ATXN1: variants seen among roughly 807,000 people sequenced by gnomAD.
The protein encoded by ATXN1 is ataxin 1.
A neutral mutation model predicts 56.4 loss-of-function variants in ATXN1; 8 were observed. The ratio of observed to expected loss-of-function variants is 0.14; its 90% CI spans 0.08 to 0.26. The LOEUF is 0.26. Among genes scored for constraint, ATXN1 ranks in the 10% least tolerant of loss-of-function variants. ATXN1 has a pLI of 1.00. For missense variants in ATXN1, 987 were observed against 1,106.5 expected (o/e 0.89, Z 1.53); for synonymous variants, 514 against 494.6 (o/e 1.04, Z -0.52).
At chr6:16,445,612 T>C (rs1005774123) in intron 6 of ATXN1, among the ~76,000 whole-genome samples, 10 of 151,714 alleles carry the variant, frequency 6.6e-5, no homozygotes, top group Admixed American at 2.6e-4. Context: ...CATGCTGGTG[T>C]GCTGCACCCA....
At chr6:16,671,569 C>T (rs1179179527) in intron 2 of ATXN1, among the ~76,000 whole-genome samples, 2 of 152,126 alleles carry the variant, frequency 1.3e-5, no homozygotes, top group African/African-American at 4.8e-5. Flanking sequence ...TATCTCTAAG[C>T]TTCCAAACAA....
At chr6:16,615,012 G>A (rs962330937) in intron 3 of ATXN1, 1 of 150,824 alleles carries the variant, frequency 6.6e-6, no homozygotes, top group Non-Finnish European at 1.5e-5. Context: ...ATTAATTTAA[G>A]AAGTAAAAAT....
intron 2 of ATXN1, among the ~76,000 whole-genome samples, chr6:16,669,525 T>A (rs1405182269): frequency 1.3e-5 from 2 of 152,208 alleles, no homozygotes; most frequent in African/African-American, 4.8e-5. Context: ...CTGTTCTCTT[T>A]TTCCATCCGG....
At chr6:16,613,251 G>A (rs1329540155) in intron 3 of ATXN1, among the ~76,000 whole-genome samples, 30 of 113,476 alleles carry the variant, frequency 2.6e-4, no homozygotes, top group East Asian at 1.5e-3. Flanking sequence ...CGGCCTGGGC[G>A]ACAGAGCGAG....
chr6:16,566,061 G>A (rs545807141), intron 4 of ATXN1, among the ~76,000 whole-genome samples: 11 of 152,176 alleles, frequency 7.2e-5, no homozygotes, highest in African/African-American at 2.4e-4. Flanking sequence ...AGAGAAAAAG[G>A]ATTTTTCAGG....
intron 3 of ATXN1, among the ~76,000 whole-genome samples, chr6:16,621,591 C>T (rs1157831574): frequency 6.6e-6 from 1 of 152,060 alleles, no homozygotes; most frequent in Non-Finnish European, 1.5e-5. Context: ...TGTGGTGGTG[C>T]ACACCTGTAA....
At chr6:16,587,388 T>C (rs1189699484) in intron 3 of ATXN1, among the ~76,000 whole-genome samples, 3 of 152,224 alleles carry the variant, frequency 2.0e-5, no homozygotes, top group Admixed American at 6.5e-5. Context: ...CAGCCATGTC[T>C]TAAAAAATTC....
chr6:16,576,500 CA>C (rs2113755687), intron 4 of ATXN1, among the ~76,000 whole-genome samples: 1 of 152,322 alleles, frequency 6.6e-6, no homozygotes, highest in Non-Finnish European at 1.5e-5. Flanking sequence ...CACTTATTGA[CA>C]CTTAAACCTG....
intron 4 of ATXN1, among the ~76,000 whole-genome samples, chr6:16,551,449 A>C (rs993022688): frequency 4.6e-5 from 7 of 152,148 alleles, no homozygotes; most frequent in African/African-American, 1.7e-4. Context: ...AAAAGTGGGA[A>C]GAAACGTGTG....
intron 2 of ATXN1, among the ~76,000 whole-genome samples, chr6:16,703,814 G>A (rs1040130676): frequency 1.3e-5 from 2 of 152,220 alleles, no homozygotes; most frequent in Non-Finnish European, 2.9e-5. Flanking sequence ...GAGGTCAGGA[G>A]TTCGAGACCA....
chr6:16,580,350 T>C (rs1260580794), intron 4 of ATXN1, among the ~76,000 whole-genome samples: 2 of 152,244 alleles, frequency 1.3e-5, no homozygotes, highest in East Asian at 1.9e-4. Context: ...AAAATAGTGA[T>C]TTGAAAAGTA....
chr6:16,632,311 G>A (rs56350922), intron 3 of ATXN1, among the ~76,000 whole-genome samples: 2,109 of 152,204 alleles, frequency 0.014, 30 homozygotes, highest in Middle Eastern at 0.027. Context: ...CTCGTGGGTC[G>A]ACAACACCAC....
At chr6:16,574,904 G>C (rs1762395918) in intron 4 of ATXN1, among the ~76,000 whole-genome samples, 1 of 150,730 alleles carries the variant, frequency 6.6e-6, no homozygotes, top group Non-Finnish European at 1.5e-5. Flanking sequence ...ATCTGTGACA[G>C]TTCCTGAATC....
chr6:16,470,325 G>A (rs1345788201), intron 6 of ATXN1, among the ~76,000 whole-genome samples: 1 of 152,086 alleles, frequency 6.6e-6, no homozygotes, highest in Non-Finnish European at 1.5e-5. Context: ...GGGCTAGGGT[G>A]GAGGGTAGAG....
intron 6 of ATXN1, among the ~76,000 whole-genome samples, chr6:16,424,754 A>G (rs927703079): frequency 9.2e-5 from 14 of 152,206 alleles, no homozygotes; most frequent in Non-Finnish European, 1.8e-4. Flanking sequence ...AGAAACAAAG[A>G]AGTGTTTCAG....
chr6:16,313,558 A>T (rs1046139871), intron 7 of ATXN1, among the ~76,000 whole-genome samples: 3 of 143,606 alleles, frequency 2.1e-5, no homozygotes, highest in Admixed American at 7.0e-5. Context: ...CGTTAATGGA[A>T]TTTTTTTTTT....
At chr6:16,578,747 A>G (rs1762470676) in intron 4 of ATXN1, among the ~76,000 whole-genome samples, 1 of 137,690 alleles carries the variant, frequency 7.3e-6, no homozygotes, top group Admixed American at 7.0e-5. Flanking sequence ...AAAAAGAGAA[A>G]AAAAAAAAAA....
chr6:16,577,830 T>C (rs1347974426), intron 4 of ATXN1, among the ~76,000 whole-genome samples: 2 of 152,218 alleles, frequency 1.3e-5, no homozygotes, highest in African/African-American at 4.8e-5. Context: ...TAGAGGGCTC[T>C]ACAATTTACA....
At chr6:16,656,975 T>C (rs1264221139) in intron 3 of ATXN1, among the ~76,000 whole-genome samples, 1 of 149,394 alleles carries the variant, frequency 6.7e-6, no homozygotes. Context: ...AATACAGTAT[T>C]ATAATCTTTT....
Sources: allele counts gnomAD v4.1 joint callset (sites outside exome capture counted in the v4.1 genomes callset), GRCh38; gene constraint gnomAD v4.1.1; transcripts MANE v1.5; gene names NCBI Gene and HGNC (gene_info 2026-07-23, HGNC 2026-07-21).